Variants in CNTNAP2 observed in about 807,000 individuals in gnomAD.
CNTNAP2 encodes the protein contactin-associated protein-like 2.
Under a neutral mutation model 155.2 loss-of-function variants are expected in CNTNAP2, and 98 were observed. The observed-to-expected ratio is 0.63, with a 90% CI of 0.54 to 0.75. The LOEUF (loss-of-function observed/expected upper bound fraction) is 0.75. Ranked by LOEUF, CNTNAP2 falls within the 30% of genes least tolerant of loss-of-function variation. The pLI, the probability that CNTNAP2 is intolerant of heterozygous loss-of-function variation, is 0.00. For synonymous variants in CNTNAP2, 651 were observed against 631.2 expected (o/e 1.03, Z -0.47); for missense variants, 1,727 against 1,688.1 (o/e 1.02, Z -0.40).
At chr7:146,633,227 C>T (rs957305948) in intron 1 of CNTNAP2, among the ~76,000 whole-genome samples, 2 of 152,178 alleles carry the variant, frequency 1.3e-5, no homozygotes, top group African/African-American at 4.8e-5. Context: ...CAAATACTTC[C>T]ACAATTCTAA....
At chr7:148,316,710 A>G (rs899723675) in intron 21 of CNTNAP2, among the ~76,000 whole-genome samples, 1 of 152,230 alleles carries the variant, frequency 6.6e-6, no homozygotes, top group Non-Finnish European at 1.5e-5. Flanking sequence ...AGCTAGATGC[A>G]TATTGGCAAG....
intron 3 of CNTNAP2, among the ~76,000 whole-genome samples, chr7:146,924,242 A>T (rs1796561518): frequency 6.6e-6 from 1 of 151,796 alleles, no homozygotes; most frequent in Non-Finnish European, 1.5e-5. Context: ...ATAAAATTAG[A>T]TTTTTTTTAA....
rs1804517728 is a variant in CNTNAP2 at position 148,118,210 on chromosome 7, T to G, written c.2476T>G (p.Tyr826Asp). 6.2e-7 allele frequency: 1 copy of G among 1,614,216 alleles called. No homozygotes were observed. Among genetic ancestry groups the G allele is most frequent in the Non-Finnish European group, 8.5e-7 (1 of 1,180,026 alleles). Reference protein sequence around the residue: ...QGETSADISFYFKTLTPWGVF... With the variant: ...QGETSADISFDFKTLTPWGVF... ...GGAAACTAGCGCTGACATTTCTTTC[T>G]ACTTCAAAACATTAACCCCCTGGGG... Residue 826 changes from tyrosine (Y) to aspartate (D), a missense_variant, in exon 16 of 24, where the codon TAC becomes GAC. Tyr to Asp is a radical substitution (Grantham distance 160). Coordinates refer to ENST00000361727, the MANE Select transcript of CNTNAP2 (RefSeq NM_014141.6).
At chr7:148,179,729 A>T (rs145627655) in intron 18 of CNTNAP2, among the ~76,000 whole-genome samples, 85 of 151,018 alleles carry the variant, frequency 5.6e-4, no homozygotes, top group Non-Finnish European at 1.1e-3. Flanking sequence ...AGAAAGAAGG[A>T]GGAGGAGAGA....
At chr7:146,437,170 C>T (rs1796256044) in intron 1 of CNTNAP2, among the ~76,000 whole-genome samples, 1 of 151,322 alleles carries the variant, frequency 6.6e-6, no homozygotes, top group East Asian at 1.9e-4. Context: ...TTGCGCGCTC[C>T]TTATGAGAAT....
intron 8 of CNTNAP2, among the ~76,000 whole-genome samples, chr7:147,138,659 GGA>G (rs1801537443): frequency 6.6e-6 from 1 of 151,882 alleles, no homozygotes; most frequent in African/African-American, 2.4e-5. Flanking sequence ...AAGGACCGGG[GGA>G]GAGTTTTATG....
rs2530313 is a variant in CNTNAP2 at position 148,415,142 on chromosome 7, T to C, written c.3797-275T>C. 0.95 allele frequency among the ~76,000 whole-genome samples: 144,632 copies of C among 152,258 alleles called. 69,180 individuals carry two copies. The highest frequency in any genetic ancestry group is 1 in the East Asian group (5,179 of 5,180). ...GTTCTCAGACATCATGGTTCCTTTC[T>C]GCCTGTTTTCTAATGTCTGTAGACT... On this transcript the variant is annotated intron_variant, in intron 23 of 23. Transcript: ENST00000361727.
At chr7:146,258,950 T>C (rs1334321255) in intron 1 of CNTNAP2, among the ~76,000 whole-genome samples, 2 of 152,126 alleles carry the variant, frequency 1.3e-5, no homozygotes, top group Non-Finnish European at 2.9e-5. Context: ...TCATGTCAAG[T>C]TGTAATCGCG....
intron 1 of CNTNAP2, among the ~76,000 whole-genome samples, chr7:146,451,270 T>G (rs950295283): frequency 6.6e-6 from 1 of 152,090 alleles, no homozygotes; most frequent in Non-Finnish European, 1.5e-5. Context: ...TTCTAAATAA[T>G]TGTAATTGGT....
intron 8 of CNTNAP2, among the ~76,000 whole-genome samples, chr7:147,243,771 TATC>T (rs1295119918): frequency 1.3e-5 from 2 of 152,180 alleles, no homozygotes; most frequent in Non-Finnish European, 2.9e-5. Flanking sequence ...CTGGTTAACA[TATC>T]ATTTTGCAAA....
At chr7:146,802,362 C>T (rs1055028659) in intron 2 of CNTNAP2, among the ~76,000 whole-genome samples, 3 of 152,154 alleles carry the variant, frequency 2.0e-5, no homozygotes, top group Non-Finnish European at 2.9e-5. Context: ...TTCAGTCTTT[C>T]TGATTTCTGC....
At chr7:147,036,993 A>G (rs1799162411) in intron 3 of CNTNAP2, among the ~76,000 whole-genome samples, 1 of 152,148 alleles carries the variant, frequency 6.6e-6, no homozygotes, top group Admixed American at 6.5e-5. Flanking sequence ...CCTAGCTGAC[A>G]AATTCTTCTT....
intron 13 of CNTNAP2, among the ~76,000 whole-genome samples, chr7:147,761,480 T>A (rs1218008367): frequency 6.6e-6 from 1 of 152,176 alleles, no homozygotes; most frequent in Non-Finnish European, 1.5e-5. Context: ...TGTTTCTGTA[T>A]ATTCCTCCTG....
At chr7:146,606,655 A>G (rs1799053296) in intron 1 of CNTNAP2, among the ~76,000 whole-genome samples, 1 of 152,218 alleles carries the variant, frequency 6.6e-6, no homozygotes, top group Admixed American at 6.5e-5. Flanking sequence ...AAGCAGAAAT[A>G]TAACCTTTTC....
intron 13 of CNTNAP2, among the ~76,000 whole-genome samples, chr7:147,841,390 A>G (rs1798728637): frequency 6.6e-6 from 1 of 152,194 alleles, no homozygotes; most frequent in African/African-American, 2.4e-5. Flanking sequence ...CCTTTGTGTG[A>G]GAACTGACTA....
chr7:147,526,018 C>G (rs921655146), intron 11 of CNTNAP2, among the ~76,000 whole-genome samples: 1 of 151,680 alleles, frequency 6.6e-6, no homozygotes, highest in Non-Finnish European at 1.5e-5. Context: ...CATGGTGAAA[C>G]CCCATCTGTA....
intron 15 of CNTNAP2, among the ~76,000 whole-genome samples, chr7:148,012,558 A>G (rs57055307): frequency 0.055 from 8,323 of 151,290 alleles, 462 homozygotes; most frequent in African/African-American, 0.15. Context: ...TCTCATGTTA[A>G]GTGTTTTTAC....
At chr7:148,288,443 C>T (rs1797129406) in intron 21 of CNTNAP2, among the ~76,000 whole-genome samples, 1 of 152,120 alleles carries the variant, frequency 6.6e-6, no homozygotes, top group Non-Finnish European at 1.5e-5. Flanking sequence ...CATAGGGACC[C>T]ACCGCGATGA....
intron 3 of CNTNAP2, among the ~76,000 whole-genome samples, chr7:146,971,280 A>C (rs1797791513): frequency 6.6e-6 from 1 of 152,204 alleles, no homozygotes; most frequent in African/African-American, 2.4e-5. Context: ...AACTCTTAAT[A>C]AATGTTGACC....
Sources: allele counts gnomAD v4.1 joint callset (sites outside exome capture counted in the v4.1 genomes callset), GRCh38; gene constraint gnomAD v4.1.1; transcripts MANE v1.5; gene names NCBI Gene and HGNC (gene_info 2026-07-23, HGNC 2026-07-21).